Variants in TNR observed in about 807,000 individuals in gnomAD.
TNR encodes the protein tenascin R.
In TNR, 45 loss-of-function variants were observed where a neutral mutation model predicts 150.4. That is an observed-to-expected ratio of 0.30 (90% CI 0.24 to 0.38). The LOEUF is 0.38. Ranked by LOEUF, TNR falls within the 10% of genes least tolerant of loss-of-function variation. The pLI is 1.00. For missense variants in TNR, 1,544 were observed against 1,759.1 expected (o/e 0.88, Z 2.19); for synonymous variants, 687 against 678.4 (o/e 1.01, Z -0.20).
At chr1:175,528,105 C>T (rs1350043946) in intron 2 of TNR, among the ~76,000 whole-genome samples, 164 bp downstream of exon 2, 1 of 152,162 alleles carries the variant, frequency 6.6e-6, no homozygotes, top group Non-Finnish European at 1.5e-5. Flanking sequence ...CTGCATGAAG[C>T]CCAGAGGAGC....
rs191205997 is a variant in TNR at position 175,474,412 on chromosome 1, C to G, written c.-64+53857G>C. 3.6e-3 allele frequency among the ~76,000 whole-genome samples: 551 copies of G among 152,248 alleles called. 1 individual carries two copies. The highest frequency in any genetic ancestry group is 6.2e-3 in the Non-Finnish European group (422 of 68,038). On this transcript the variant is annotated intron_variant, in intron 2 of 22. Transcript: ENST00000367674. ...CCAGCCATGTGAAGAGACCACAAAC[C>G]AAGCAGAGAGGCCTCAGAGAGGGCT...
chr1:175,610,084 A>G (rs1294951892), intron 1 of TNR, among the ~76,000 whole-genome samples: 2 of 152,230 alleles, frequency 1.3e-5, no homozygotes, highest in African/African-American at 2.4e-5. Context: ...TTCAAGACAG[A>G]TAATATAACC....
chr1:175,360,576 A>T (rs6413828), intron 14 of TNR, among the ~76,000 whole-genome samples: 105,211 of 152,082 alleles, frequency 0.69, 36,495 homozygotes, highest in Admixed American at 0.73. Flanking sequence ...CAGTTTAGTT[A>T]TCAGCTCAAC....
chr1:175,476,929 G>A (rs560691755), intron 2 of TNR, among the ~76,000 whole-genome samples: 6 of 152,232 alleles, frequency 3.9e-5, no homozygotes, highest in South Asian at 2.1e-4. Flanking sequence ...TGAATAAATT[G>A]TAGGATTCTG....
intron 1 of TNR, among the ~76,000 whole-genome samples, chr1:175,626,277 C>G (rs1371928901): frequency 1.3e-5 from 2 of 152,156 alleles, no homozygotes; most frequent in African/African-American, 4.8e-5. Flanking sequence ...TCTCTTCTAC[C>G]ATTCCCCAAT....
At chr1:175,711,015 G>A (rs1666997249) in intron 1 of TNR, among the ~76,000 whole-genome samples, 1 of 152,160 alleles carries the variant, frequency 6.6e-6, no homozygotes, top group Non-Finnish European at 1.5e-5. Flanking sequence ...ACCTGCTAAG[G>A]AGGAATGCTG....
intron 2 of TNR, among the ~76,000 whole-genome samples, chr1:175,457,666 G>T (rs74623820): frequency 0.089 from 13,599 of 152,244 alleles, 846 homozygotes; most frequent in Non-Finnish European, 0.13. Flanking sequence ...AGAAAAAAGA[G>T]CTACTATTGA....
chr1:175,622,290 A>T (rs1315189894), intron 1 of TNR, among the ~76,000 whole-genome samples: 4 of 152,182 alleles, frequency 2.6e-5, no homozygotes, highest in Non-Finnish European at 5.9e-5. Context: ...TGCAGCAGGG[A>T]ATCAGGTGTT....
chr1:175,477,471 G>A (rs1443771628), intron 2 of TNR, among the ~76,000 whole-genome samples: 4 of 152,204 alleles, frequency 2.6e-5, no homozygotes, highest in Admixed American at 2.0e-4. Context: ...GCTTATCTTA[G>A]CCATTAACCA....
intron 2 of TNR, among the ~76,000 whole-genome samples, chr1:175,491,703 G>A (rs1221585644): frequency 7.4e-6 from 1 of 135,740 alleles, no homozygotes; most frequent in Non-Finnish European, 1.5e-5. Flanking sequence ...AGGCTGGAGT[G>A]CAGTGGCGTG....
At chr1:175,396,884 C>A in intron 4 of TNR, 77 bp from the exon 5 acceptor site, 1 of 1,539,768 alleles carries the variant, frequency 6.5e-7, no homozygotes, top group Non-Finnish European at 8.8e-7. Flanking sequence ...TTCTTCCTCA[C>A]ATCTCACCCC....
chr1:175,719,224 G>A (rs560571556), intron 1 of TNR, among the ~76,000 whole-genome samples: 139 of 152,284 alleles, frequency 9.1e-4, no homozygotes, highest in Admixed American at 3.1e-3. Flanking sequence ...AGCTGTCCCC[G>A]GGCTGTGGCC....
chr1:175,480,264 T>A (rs1296025647), intron 2 of TNR, among the ~76,000 whole-genome samples: 2 of 141,420 alleles, frequency 1.4e-5, no homozygotes, highest in African/African-American at 5.3e-5. Context: ...GCTCAGGGAA[T>A]GTGATGAGCA....
intron 2 of TNR, among the ~76,000 whole-genome samples, chr1:175,460,903 A>G (rs1656784674): frequency 1.3e-5 from 2 of 152,206 alleles, no homozygotes; most frequent in South Asian, 4.1e-4. Flanking sequence ...ATGCACCCAC[A>G]CACATGTACA....
At chr1:175,471,047 G>A (rs771753252) in intron 2 of TNR, among the ~76,000 whole-genome samples, 2 of 152,236 alleles carry the variant, frequency 1.3e-5, no homozygotes, top group South Asian at 2.1e-4. Context: ...GTGTTGCTGG[G>A]AACAGGAGGC....
chr1:175,435,009 C>T (rs1357950711), intron 2 of TNR, among the ~76,000 whole-genome samples: 2 of 152,164 alleles, frequency 1.3e-5, no homozygotes, highest in Non-Finnish European at 2.9e-5. Context: ...GTAATATATT[C>T]TTATATTTCT....
intron 1 of TNR, among the ~76,000 whole-genome samples, chr1:175,719,977 C>G (rs541984307): frequency 6.6e-6 from 1 of 152,354 alleles, no homozygotes; most frequent in South Asian, 2.1e-4. Flanking sequence ...TGCTGCCTTC[C>G]CGGGACAGCC....
At chr1:175,407,460 T>C (rs1187522158) in intron 2 of TNR, among the ~76,000 whole-genome samples, 2 of 152,174 alleles carry the variant, frequency 1.3e-5, no homozygotes, top group African/African-American at 2.4e-5. Flanking sequence ...ATTGGTAAAA[T>C]AATGAATTAG....
intron 2 of TNR, among the ~76,000 whole-genome samples, chr1:175,446,933 ATGTG>A (rs1302815809): frequency 3.9e-5 from 6 of 152,068 alleles, no homozygotes; most frequent in Admixed American, 3.3e-4. Flanking sequence ...TGTTGTATGC[ATGTG>A]TGTTATATGT....
Sources: allele counts gnomAD v4.1 joint callset (sites outside exome capture counted in the v4.1 genomes callset), GRCh38; gene constraint gnomAD v4.1.1; transcripts MANE v1.5; gene names NCBI Gene and HGNC (gene_info 2026-07-23, HGNC 2026-07-21).